The following MSLN variants were observed in gnomAD, a reference collection of about 807,000 sequenced individuals.
The protein encoded by MSLN is CAK1 antigen.
A neutral mutation model predicts 72.6 loss-of-function variants in MSLN; 82 were observed. The ratio of observed to expected loss-of-function variants is 1.13; its 90% CI spans 0.94 to 1.36. The LOEUF is 1.36. MSLN is among the 40% of genes most tolerant of loss of function. MSLN has a pLI of 0.00. For synonymous variants in MSLN, 456 were observed against 387.3 expected (o/e 1.18, Z -2.08); for missense variants, 1,005 against 847.9 (o/e 1.19, Z -2.30).
Position 765,673 on chromosome 16 carries a change from G to C in MSLN, c.796-18G>C, listed in dbSNP as rs1008931394. Reference sequence around the variant, plus strand: ...GCCCGGCCACCCGAGGCTCAGCCCAGGTCCTGCTCGTCCTCAGGGCATCGT... The same window carrying C: ...GCCCGGCCACCCGAGGCTCAGCCCACGTCCTGCTCGTCCTCAGGGCATCGT... On this transcript the variant is annotated intron_variant, in intron 10 of 17. Transcript: ENST00000545450. 1 of 1,600,170 alleles carries C rather than the reference G, an allele frequency of 6.2e-7. No individual in the cohort carries two copies.
chr16:764,536 C>T lies in MSLN; in HGVS notation c.301-111C>T, dbSNP rs921409815. ...GGCCAGAGATCCACTTCCACAGATT[C>T]TCGTGGCCAGGGCAGGGGTGTGTTG... On this transcript the variant is annotated intron_variant, in intron 6 of 17. Coordinates refer to ENST00000545450, the MANE Select transcript of MSLN (RefSeq NM_005823.6). 5 of 949,976 alleles carry T rather than the reference C, an allele frequency of 5.3e-6. No homozygotes were observed. In the African/African-American group the frequency reaches 6.4e-5, roughly 12 times the overall value. 58.8% of individuals were successfully genotyped at this position (949,976 alleles called of 1,614,324 possible). A position where few individuals can be genotyped will look rare whatever the true frequency, so the allele number is the denominator to read the frequency against.
At position 767,286 on chromosome 16, in the gene MSLN, T is replaced by C. The variant is rs2041628231; in HGVS notation, c.1502-90T>C. ...AATCCCTAAGGAAAAAGGGAAGCCC[T>C]GTAAGGCAAGTGGGCTTCCTGCAGC... is the stretch of plus-strand genomic sequence containing the variant. On this transcript the variant is annotated intron_variant, in intron 15 of 17. Transcript: ENST00000545450. The C allele has an allele frequency of 5.5e-6, 7 of 1,280,174 alleles. No homozygotes were observed. The East Asian group carries it at 1.6e-4, about 30-fold the overall frequency. The allele number at this position is 1,280,174 out of a possible 1,614,324, so 79.3% of individuals were successfully genotyped here. A position where few individuals can be genotyped will look rare whatever the true frequency, so the allele number is the denominator to read the frequency against.
At chr16:761,862 A>C (rs1439299817) in intron 2 of MSLN, among the ~76,000 whole-genome samples, 1 of 152,212 alleles carries the variant, frequency 6.6e-6, no homozygotes, top group South Asian at 2.1e-4. Context: ...GCCTGGGCCA[A>C]GGTTTTCAGG....
chr16:766,976 G>C lies in MSLN; in HGVS notation c.1465G>C (p.Gly489Arg), dbSNP rs755687177. The change falls in exon 15 of 18, where the codon GGG (glycine) becomes CGG (arginine). Residue 489 changes from glycine (G) to arginine (R), a missense_variant. Physicochemically the swap from Gly to Arg is moderately radical, Grantham distance 125. Transcript: ENST00000545450. ...CCGCCTTGCTTTCCAGAACATGAAC[G>C]GGTCCGAATACTTCGTGAAGATCCA... ...KARLAFQNMN[G>R]SEYFVKIQSF... The C allele has an allele frequency of 5.6e-6, 9 of 1,612,536 alleles. No individual in the cohort carries two copies. Among genetic ancestry groups the C allele is most frequent in the South Asian group, 1.1e-5 (1 of 91,082 alleles).
rs748142735 is a variant in MSLN at position 765,810 on chromosome 16, C to G, written c.895+20C>G. 8 of 1,590,676 alleles carry G rather than the reference C, an allele frequency of 5.0e-6. No individual in the cohort carries two copies. In the Admixed American group the frequency reaches 1.2e-4, roughly 23 times the overall value. ...TGGAGAGTGAGTGCCGTGCCCTGCG[C>G]AGTCTGGCACCAGGCTGGGCAGCAC... On this transcript the variant is annotated intron_variant, in intron 11 of 17. Coordinates refer to ENST00000545450, the MANE Select transcript of MSLN (RefSeq NM_005823.6).
intron 5 of MSLN, 66 bp downstream of exon 5, chr16:763,757 CAGGG>C: frequency 4.2e-6 from 6 of 1,435,766 alleles, no homozygotes; most frequent in Non-Finnish European, 5.7e-6. Context: ...TGAGGGTGGG[CAGGG>C]CACCCCATCC....
Position 763,252 on chromosome 16 carries a change from G to A in MSLN, c.105G>A (p.Arg35=), listed in dbSNP as rs768878242. ...LFSLGWVQPS[R]TLAGETGQEA... ...CTTTAGGATGGGTGCAGCCCTCGAG[G>A]ACCCTGGCTGGAGAGACAGGGCAGG... Residue 35 remains arginine (R), a synonymous_variant, in exon 4 of 18, where the codon AGG becomes AGA. Coordinates refer to ENST00000545450, the MANE Select transcript of MSLN (RefSeq NM_005823.6). The A allele has an allele frequency of 3.4e-4, 523 of 1,541,998 alleles. No individual in the cohort carries two copies. Among genetic ancestry groups the A allele is most frequent in the Non-Finnish European group, 4.2e-4 (479 of 1,145,108 alleles).
rs1194402674 is a variant in MSLN, at chr16:765,127, G to C, written c.528G>C (p.Leu176=). ...ALACWGVRGS[L]LSEADVRALG... The stretch of plus-strand genomic sequence containing the variant: ...CTCTGCAGGGTGTGCGGGGGTCTCT[G>C]CTGAGCGAGGCTGATGTGCGGGCTC... Residue 176 remains leucine, a synonymous_variant, in exon 9 of 18, where the codon CTG becomes CTC. Coordinates refer to ENST00000545450, the MANE Select transcript of MSLN (RefSeq NM_005823.6). 1.2e-6 allele frequency: 2 copies of C among 1,603,892 alleles called. No individual in the cohort carries two copies. Among genetic ancestry groups the C allele is most frequent in the African/African-American group, 2.7e-5 (2 of 75,010 alleles).
chr16:768,664 G>A lies in MSLN; in HGVS notation c.1800G>A (p.Thr600=), dbSNP rs148180768. ...TCTCTGTAGAGGCCCTCTCGGGGAC[G>A]CCCTGCCTCCTAGGACCTGGACCTG... The part of the protein sequence containing the change: ...DLSMQEALSG[T]PCLLGPGPVL... Residue 600 remains threonine, a synonymous_variant, in exon 18 of 18, where the codon ACG becomes ACA. Transcript: ENST00000545450. 98 of 1,610,848 alleles carry A rather than the reference G, an allele frequency of 6.1e-5. No individual in the cohort carries two copies. Among genetic ancestry groups the A allele is most frequent in the Admixed American group, 2.8e-4 (17 of 59,974 alleles).
rs1477442800 is a variant in MSLN at position 763,982 on chromosome 16, G to A, written c.180-41G>A. The A allele has an allele frequency of 2.3e-5, 36 of 1,590,636 alleles. No individual in the cohort carries two copies. The East Asian group carries it at 7.8e-4, about 35-fold the overall frequency. Reference sequence around the variant, plus strand: ...GGGAGCACTGGGTGGACATTGCAGGGGAGGGGCGATCGTGGGTGCCCAGCC... The same window carrying A: ...GGGAGCACTGGGTGGACATTGCAGGAGAGGGGCGATCGTGGGTGCCCAGCC... On this transcript the variant is annotated intron_variant, in intron 5 of 17. Coordinates refer to ENST00000545450, the MANE Select transcript of MSLN (RefSeq NM_005823.6).
At position 764,677 on chromosome 16, in the gene MSLN, C is replaced by T. The variant is rs141765602; in HGVS notation, c.331C>T (p.Pro111Ser). ...CTGTCTGGCTCACCGGCTCTCTGAGCCCCCCGAGGACCTGGACGCCCTCCC... is the reference window on the plus strand; with the variant it reads ...CTGTCTGGCTCACCGGCTCTCTGAGTCCCCCGAGGACCTGGACGCCCTCCC... ...LRCLAHRLSEPPEDLDALPLD... is the reference protein window; with the variant it reads ...LRCLAHRLSESPEDLDALPLD... The change falls in exon 7 of 18, where the codon CCC becomes TCC. Residue 111 changes from proline (P) to serine (S), a missense_variant. Pro to Ser is a moderately conservative substitution (Grantham distance 74). Transcript: ENST00000545450. 3 of 1,612,192 alleles carry T rather than the reference C, an allele frequency of 1.9e-6. No homozygotes were observed. Among genetic ancestry groups the T allele is most frequent in the African/African-American group, 2.7e-5 (2 of 74,894 alleles).
intron 7 of MSLN, 80 bp from the exon 8 acceptor site, chr16:764,827 G>C: frequency 6.3e-7 from 1 of 1,587,540 alleles, no homozygotes; most frequent in African/African-American, 1.3e-5. Flanking sequence ...CAGCAGAGAT[G>C]TGGAGGCCGG....
chr16:763,591 C>G (rs374549563), intron 4 of MSLN, 51 bp from the exon 5 acceptor site: 68 of 1,539,314 alleles, frequency 4.4e-5, no homozygotes, highest in Admixed American at 1.4e-4. Flanking sequence ...CTGGGAACTC[C>G]TGCTCCAGAG....
At position 767,408 on chromosome 16, in the gene MSLN, A is replaced by G. The variant is rs779080949; in HGVS notation, c.1534A>G (p.Ser512Gly). Residue 512 changes from serine (S) to glycine (G), a missense_variant, in exon 16 of 18, where the codon AGT becomes GGT. By Grantham distance (56) the Ser-to-Gly change is moderately conservative. Transcript: ENST00000545450. ...CCCCACGGAGGATTTGAAGGCGCTC[A>G]GTCAGCAGAATGTGAGCATGGACTT... The part of the protein sequence containing the change: ...GAPTEDLKAL[S>G]QQNVSMDLAT... 6.3e-7 allele frequency: 1 copy of G among 1,598,336 alleles called. No homozygotes were observed. Among genetic ancestry groups the G allele is most frequent in the Non-Finnish European group, 8.5e-7 (1 of 1,172,830 alleles).
intron 16 of MSLN, 100 bp from the exon 17 acceptor site, chr16:768,279 T>C (rs914949673): frequency 8.7e-6 from 11 of 1,262,766 alleles, no homozygotes; most frequent in African/African-American, 6.0e-5. Flanking sequence ...GCGGTGGGCA[T>C]CTGTGGGTGG....
rs1412029856 is a variant in MSLN at position 764,705 on chromosome 16, T to G, written c.359T>G (p.Leu120Trp). The G allele has an allele frequency of 1.2e-6, 2 of 1,611,960 alleles. No homozygotes were observed. The highest frequency in any genetic ancestry group is 1.7e-6 in the Non-Finnish European group (2 of 1,179,642). The change falls in exon 7 of 18, where the codon TTG becomes TGG. Residue 120 changes from leucine (L) to tryptophan (W), a missense_variant. By Grantham distance (61) the Leu-to-Trp change is moderately conservative. Coordinates refer to ENST00000545450, the MANE Select transcript of MSLN (RefSeq NM_005823.6). ...CCCGAGGACCTGGACGCCCTCCCAT[T>G]GGACCTGCTGCTATTCCTCAAGTAG... ...EPPEDLDALP[L>W]DLLLFLNPDA...
intron 2 of MSLN, among the ~76,000 whole-genome samples, chr16:762,227 G>T (rs2041544646): frequency 1.3e-5 from 2 of 152,256 alleles, no homozygotes; most frequent in Non-Finnish European, 2.9e-5. Flanking sequence ...AGAGCCTGGG[G>T]TGTTCACAAA....
chr16:768,616 G>C (rs2041675205), intron 17 of MSLN, 32 bp from the exon 18 acceptor site: 1 of 1,611,266 alleles, frequency 6.2e-7, no homozygotes. Context: ...GGGCGTGGAG[G>C]TGGGCGCTCT....
intron 2 of MSLN, 37 bp from the exon 3 acceptor site, chr16:762,635 A>C: frequency 6.7e-7 from 1 of 1,501,542 alleles, no homozygotes; most frequent in South Asian, 1.1e-5. Context: ...GTGGGGTGGG[A>C]GCAGGGGGTC....
Sources: allele counts gnomAD v4.1 joint callset (sites outside exome capture counted in the v4.1 genomes callset), GRCh38; gene constraint gnomAD v4.1.1; transcripts MANE v1.5; gene names NCBI Gene and HGNC (gene_info 2026-07-23, HGNC 2026-07-21).